Variants in NUAK1 observed in about 807,000 individuals in gnomAD.
NUAK1 encodes the protein NUAK family kinase 1, also known as NUAK family SNF1-like kinase 1.
NUAK1 carries 26 observed loss-of-function variants against 56.9 expected under a neutral mutation model. That is an observed-to-expected ratio of 0.46 (90% CI 0.33 to 0.63). The LOEUF (loss-of-function observed/expected upper bound fraction) is 0.63, where lower values mean the gene tolerates loss of function less well. Ranked by LOEUF, NUAK1 falls within the 30% of genes least tolerant of loss-of-function variation. The pLI is 0.02. For synonymous variants in NUAK1, 337 were observed against 336.0 expected (o/e 1.00, Z -0.03); for missense variants, 727 against 876.1 (o/e 0.83, Z 2.15).
chr12:106,099,279 TG>T (rs534913028), intron 2 of NUAK1, among the ~76,000 whole-genome samples: 36 of 152,368 alleles, frequency 2.4e-4, no homozygotes, highest in African/African-American at 8.4e-4. Flanking sequence ...TTTATGGGCC[TG>T]GGGGTATTGT....
chr12:106,132,028 C>A (rs1592865106), intron 1 of NUAK1, among the ~76,000 whole-genome samples: 1 of 152,334 alleles, frequency 6.6e-6, no homozygotes, highest in East Asian at 1.9e-4. Flanking sequence ...TGCTCCAGGA[C>A]TTTCATGTGG....
intron 2 of NUAK1, among the ~76,000 whole-genome samples, chr12:106,088,718 A>G (rs907201564): frequency 6.6e-5 from 10 of 152,200 alleles, no homozygotes; most frequent in Non-Finnish European, 1.3e-4. Flanking sequence ...CATACACTCA[A>G]TTATGTTAGC....
chr12:106,086,628 C>A, intron 3 of NUAK1, 106 bp downstream of exon 3: 1 of 1,077,476 alleles, frequency 9.3e-7, no homozygotes, highest in Non-Finnish European at 1.2e-6. Flanking sequence ...CATAAATTCT[C>A]CATACATGCT....
intron 1 of NUAK1, among the ~76,000 whole-genome samples, chr12:106,115,557 G>T (rs1171953402): frequency 6.6e-6 from 1 of 152,190 alleles, no homozygotes; most frequent in Non-Finnish European, 1.5e-5. Flanking sequence ...CCTTCCAAGA[G>T]AAGCTCTCAT....
At chr12:106,074,465 G>C (rs2032440878) in intron 4 of NUAK1, among the ~76,000 whole-genome samples, 1 of 152,128 alleles carries the variant, frequency 6.6e-6, no homozygotes, top group Admixed American at 6.5e-5. Flanking sequence ...AGGAAATTGA[G>C]GTTTAAGGAG....
intron 2 of NUAK1, chr12:106,106,061 G>T (rs546483228): frequency 5.0e-4 from 90 of 178,884 alleles, no homozygotes; most frequent in African/African-American, 2.0e-3. Flanking sequence ...CATTTACAAT[G>T]TATCCACTGT....
chr12:106,066,461 T>C lies in NUAK1; in HGVS notation c.*341A>G, dbSNP rs998772054. Reference sequence around the variant, plus strand: ...CTCCTGCCCCTCCTCCAGAAGCATCTGGATGACTTCTAAGGAAATGCTCCT... The same window carrying C: ...CTCCTGCCCCTCCTCCAGAAGCATCCGGATGACTTCTAAGGAAATGCTCCT... On this transcript the variant is annotated 3_prime_UTR_variant, in exon 7 of 7. Coordinates refer to ENST00000261402, the MANE Select transcript of NUAK1 (RefSeq NM_014840.3). 3 of 245,872 alleles carry C rather than the reference T, an allele frequency of 1.2e-5. No individual in the cohort carries two copies. The South Asian group carries it at 2.3e-4, about 19-fold the overall frequency. The allele number at this position is 245,872 out of a possible 1,614,324, so 15.2% of individuals were successfully genotyped here.
At chr12:106,135,196 G>T (rs1429786900) in intron 1 of NUAK1, among the ~76,000 whole-genome samples, 1 of 152,198 alleles carries the variant, frequency 6.6e-6, no homozygotes, top group Non-Finnish European at 1.5e-5. Context: ...AGCTAGTAGG[G>T]GATAGATCAA....
intron 2 of NUAK1, chr12:106,103,976 T>C (rs2032774132): frequency 6.6e-6 from 1 of 152,250 alleles, no homozygotes; most frequent in Non-Finnish European, 1.5e-5. Flanking sequence ...CTTTCCTTTA[T>C]AAATTACCAC....
At position 106,135,183 on chromosome 12, in the gene NUAK1, C is replaced by A. The variant is rs2033117761; in HGVS notation, c.240+3231G>T. On this transcript the variant is annotated intron_variant, in intron 1 of 6. Transcript: ENST00000261402. ...AAGTCACATAGCTTGCCAAAAGACACAAAGCTAGTAGGGGATAGATCAAGG... is the reference window on the plus strand; with the variant it reads ...AAGTCACATAGCTTGCCAAAAGACAAAAAGCTAGTAGGGGATAGATCAAGG... Among the ~76,000 whole-genome samples, 5 of 152,204 alleles carry A rather than the reference C, an allele frequency of 3.3e-5. No homozygotes were observed. In the South Asian group the frequency reaches 1.0e-3, roughly 32 times the overall value.
intron 2 of NUAK1, among the ~76,000 whole-genome samples, chr12:106,097,335 A>G (rs972196436): frequency 6.6e-6 from 1 of 152,228 alleles, no homozygotes; most frequent in Non-Finnish European, 1.5e-5. Flanking sequence ...TTTCACCATT[A>G]CTTTAATGAA....
chr12:106,131,268 G>A (rs1174207416), intron 1 of NUAK1, among the ~76,000 whole-genome samples: 1 of 151,988 alleles, frequency 6.6e-6, no homozygotes, highest in Non-Finnish European at 1.5e-5. Context: ...ATATTCGGAG[G>A]GGTGCAACCA....
At chr12:106,123,105 T>C (rs2032994175) in intron 1 of NUAK1, among the ~76,000 whole-genome samples, 1 of 152,216 alleles carries the variant, frequency 6.6e-6, no homozygotes, top group African/African-American at 2.4e-5. Flanking sequence ...GCAATTTCAT[T>C]CATTCTGAAA....
chr12:106,096,980 T>G (rs2032702328), intron 2 of NUAK1, among the ~76,000 whole-genome samples: 1 of 152,200 alleles, frequency 6.6e-6, no homozygotes, highest in East Asian at 1.9e-4. Context: ...CTCAATCTTC[T>G]CTTCTCCAAT....
At chr12:106,136,144 A>T (rs187249472) in intron 1 of NUAK1, among the ~76,000 whole-genome samples, 1 of 152,350 alleles carries the variant, frequency 6.6e-6, no homozygotes, top group Admixed American at 6.5e-5. Context: ...TCAGCTATCA[A>T]GGAGAAAGCA....
chr12:106,067,523 C>A lies in NUAK1; in HGVS notation c.1265G>T (p.Gly422Val), dbSNP rs144124030. Residue 422 changes from glycine to valine, a missense_variant, in exon 7 of 7, where the codon GGT becomes GTT. Gly to Val is a moderately radical substitution (Grantham distance 109). Coordinates refer to ENST00000261402, the MANE Select transcript of NUAK1 (RefSeq NM_014840.3). The surrounding 1 kb of genome is among the most constrained non-coding windows in gnomAD (Gnocchi z 6.0). ...HSTGFIEGVV[G>V]PALPSTFKME... ...CTTGAAAGTAGAGGGTAAGGCAGGA[C>A]CAACTACACCTTCAATGAAGCCAGT... 459 of 1,614,064 alleles carry A rather than the reference C, an allele frequency of 2.8e-4. 1 individual carries two copies. The highest frequency in any genetic ancestry group is 3.8e-4 in the Non-Finnish European group (443 of 1,180,054).
At chr12:106,114,273 G>A (rs996356594) in intron 1 of NUAK1, among the ~76,000 whole-genome samples, 10 of 152,152 alleles carry the variant, frequency 6.6e-5, no homozygotes, top group Admixed American at 3.3e-4. Flanking sequence ...AGAAGAACCC[G>A]AGCCAGTACT....
chr12:106,118,293 T>A (rs2032939721), intron 1 of NUAK1, among the ~76,000 whole-genome samples: 1 of 152,112 alleles, frequency 6.6e-6, no homozygotes, highest in African/African-American at 2.4e-5. Context: ...TTTCCACAGG[T>A]CACAAAGGCC....
At chr12:106,078,376 A>G (rs1464860998) in intron 4 of NUAK1, among the ~76,000 whole-genome samples, 2 of 152,230 alleles carry the variant, frequency 1.3e-5, no homozygotes, top group African/African-American at 2.4e-5. Flanking sequence ...TATTTTGCAG[A>G]TAAGAAAACT....
Sources: gnomAD v4.1 joint callset for allele counts (sites outside exome capture counted in the v4.1 genomes callset) on GRCh38, gnomAD v4.1.1 for gene constraint, Gnocchi (gnomAD v3.1) non-coding constraint, MANE v1.5 for transcripts, NCBI Gene and HGNC (gene_info 2026-07-23, HGNC 2026-07-21) for gene names.